The following LONP1 variants were observed in gnomAD, a reference collection of about 807,000 sequenced individuals.
The protein encoded by LONP1 is lon protease homolog, mitochondrial.
LONP1 carries 31 observed loss-of-function variants against 98.5 expected under a neutral mutation model. The ratio of observed to expected loss-of-function variants is 0.31; its 90% confidence interval spans 0.24 to 0.42. The LOEUF (loss-of-function observed/expected upper bound fraction) is 0.42. Ranked by LOEUF, LONP1 falls within the 20% of genes least tolerant of loss-of-function variation. The pLI, the probability that LONP1 is intolerant of heterozygous loss-of-function variation, is 1.00. For synonymous variants in LONP1, 781 were observed against 594.7 expected (o/e 1.31, Z -4.56); for missense variants, 1,336 against 1,350.6 (o/e 0.99, Z 0.17).
chr19:5,719,298 G>T (rs538413556), intron 1 of LONP1, among the ~76,000 whole-genome samples: 1 of 152,316 alleles, frequency 6.6e-6, no homozygotes, highest in South Asian at 2.1e-4. Flanking sequence ...TCTAAGAAAG[G>T]AATGAATTCT....
intron 11 of LONP1, 22 bp from the exon 12 acceptor site, chr19:5,696,393 GGTGCCCCTCGCC>G (rs1568313007): frequency 5.6e-6 from 9 of 1,609,682 alleles, no homozygotes; most frequent in Non-Finnish European, 6.8e-6. Flanking sequence ...GACAGCAGGT[GGTGCCCCTCGCC>G]GTGCCCCTGG....
rs1375764113 is a variant in LONP1, at chr19:5,705,193, G to C, written c.1367+579C>G. Among the ~76,000 whole-genome samples, 5 of 150,184 alleles carry C rather than the reference G, an allele frequency of 3.3e-5. No individual in the cohort carries two copies. The East Asian group carries it at 9.8e-4, about 29-fold the overall frequency. Reference sequence around the variant, plus strand: ...AAAAAAAAGCCAGGCATGGTGGCTCGCGCCTGTAATCCTAGCACTTTGGCA... The same window carrying C: ...AAAAAAAAGCCAGGCATGGTGGCTCCCGCCTGTAATCCTAGCACTTTGGCA... On this transcript the variant is annotated intron_variant, in intron 8 of 17. Transcript: ENST00000360614.
At chr19:5,704,557 C>T (rs1395154412) in intron 8 of LONP1, among the ~76,000 whole-genome samples, 1 of 152,236 alleles carries the variant, frequency 6.6e-6, no homozygotes, top group Non-Finnish European at 1.5e-5. Flanking sequence ...GCCCCGGGGA[C>T]TTCTGCCTAG....
At chr19:5,694,675 G>A (rs1056475702) in intron 14 of LONP1, 86 bp downstream of exon 14, 1 of 1,565,416 alleles carries the variant, frequency 6.4e-7, no homozygotes, top group Non-Finnish European at 8.7e-7. Flanking sequence ...GCAGGAAAGT[G>A]GGATGATGGG....
chr19:5,695,169 G>C, intron 13 of LONP1, among the ~76,000 whole-genome samples: 1 of 152,088 alleles, frequency 6.6e-6, no homozygotes, highest in East Asian at 1.9e-4. Context: ...AAGGCCTCCT[G>C]GTTGCCCCAT....
At chr19:5,712,037 C>G in intron 3 of LONP1, 35 bp from the exon 4 acceptor site, 1 of 1,571,740 alleles carries the variant, frequency 6.4e-7, no homozygotes, top group East Asian at 2.3e-5. Context: ...GAATCAGCCG[C>G]TGAGGCTGGG....
intron 13 of LONP1, among the ~76,000 whole-genome samples, chr19:5,695,497 C>A (rs1292737003): frequency 6.6e-6 from 1 of 152,210 alleles, no homozygotes. Context: ...GGGAACTGGG[C>A]CCAGCAGTGG....
At position 5,691,995 on chromosome 19, in the gene LONP1, G is replaced by GGCCTGACATCCAGTTCTGGCCCAGACAGC; in HGVS notation, c.*36_*37insGCTGTCTGGGCCAGAACTGGATGTCAGGC. ...CAGCGCTCAGTTCTGGCCCAGACAGGGCCTGACATCCGCCGCCTGCAGTCC... is the reference window on the plus strand; with the variant it reads ...CAGCGCTCAGTTCTGGCCCAGACAGGGCCTGACATCCAGTTCTGGCCCAGACAGCGCCTGACATCCGCCGCCTGCAGTCC... On this transcript the variant is annotated 3_prime_UTR_variant, in exon 18 of 18. Coordinates refer to ENST00000360614, the MANE Select transcript of LONP1 (RefSeq NM_004793.4). 6.3e-7 allele frequency: 1 copy of GGCCTGACATCCAGTTCTGGCCCAGACAGC among 1,592,156 alleles called. No homozygotes were observed.
chr19:5,708,517 T>G, intron 4 of LONP1, 114 bp from the exon 5 acceptor site: 1 of 436,920 alleles, frequency 2.3e-6, no homozygotes, highest in Non-Finnish European at 4.0e-6. Context: ...CTCCCTCCCC[T>G]CCGCCAACTG....
chr19:5,697,634 G>A (rs565813507), intron 10 of LONP1, among the ~76,000 whole-genome samples: 86 of 151,600 alleles, frequency 5.7e-4, no homozygotes, highest in African/African-American at 2.0e-3. Context: ...GGGTCCTGTG[G>A]GCTGCAGTGA....
At chr19:5,704,849 C>A (rs2055117737) in intron 8 of LONP1, among the ~76,000 whole-genome samples, 1 of 152,216 alleles carries the variant, frequency 6.6e-6, no homozygotes, top group Admixed American at 6.5e-5. Flanking sequence ...GCCATGGGGA[C>A]TCCTGGTCCT....
intron 4 of LONP1, among the ~76,000 whole-genome samples, chr19:5,710,402 T>C (rs2055219200): frequency 6.6e-6 from 1 of 151,868 alleles, no homozygotes; most frequent in Admixed American, 6.6e-5. Context: ...AATTTTTTTA[T>C]TTTAATTTTT....
At chr19:5,694,988 G>T (rs1182236208) in intron 13 of LONP1, 87 bp from the exon 14 acceptor site, 6 of 1,456,162 alleles carry the variant, frequency 4.1e-6, no homozygotes, top group Non-Finnish European at 5.6e-6. Flanking sequence ...CTCTCCCATG[G>T]CCCCCAGACC....
intron 5 of LONP1, chr19:5,708,132 G>A: frequency 1.6e-6 from 1 of 618,278 alleles, no homozygotes; most frequent in Admixed American, 2.9e-5. Flanking sequence ...CTCAGCAGAA[G>A]GGGACAAAGA....
intron 1 of LONP1, among the ~76,000 whole-genome samples, chr19:5,718,512 G>A (rs2055361646): frequency 1.3e-5 from 2 of 151,658 alleles, no homozygotes; most frequent in Admixed American, 1.3e-4. Flanking sequence ...GAGCAGCGTT[G>A]GAGAAGCTCC....
chr19:5,695,158 G>A (rs1025107149), intron 13 of LONP1, among the ~76,000 whole-genome samples: 1 of 152,052 alleles, frequency 6.6e-6, no homozygotes, highest in African/African-American at 2.4e-5. Flanking sequence ...CTTCCTCCAG[G>A]AAGGCCTCCT....
chr19:5,709,156 G>C (rs996014220), intron 4 of LONP1, among the ~76,000 whole-genome samples: 3 of 151,006 alleles, frequency 2.0e-5, no homozygotes, highest in East Asian at 2.0e-4. Context: ...CTGGGACCAC[G>C]GGCATAAGCA....
chr19:5,694,350 G>A (rs1432103504), intron 15 of LONP1, 37 bp downstream of exon 15: 6 of 1,602,908 alleles, frequency 3.7e-6, no homozygotes, highest in East Asian at 2.2e-5. Context: ...GTAGAAATGG[G>A]AATGGCTTTG....
intron 8 of LONP1, among the ~76,000 whole-genome samples, chr19:5,701,700 G>A (rs1053439022): frequency 1.3e-4 from 20 of 152,262 alleles, no homozygotes; most frequent in Non-Finnish European, 1.9e-4. Flanking sequence ...CCTCCCAGCC[G>A]CCTGCCTTAG....
Sources: allele counts gnomAD v4.1 joint callset (sites outside exome capture counted in the v4.1 genomes callset), GRCh38; gene constraint gnomAD v4.1.1; transcripts MANE v1.5; gene names NCBI Gene and HGNC (gene_info 2026-07-23, HGNC 2026-07-21).